The following MSRB3 variants were observed in gnomAD, a reference collection of about 807,000 sequenced individuals.
The protein encoded by MSRB3 is methionine-R-sulfoxide reductase B3.
Under a neutral mutation model 21.0 loss-of-function variants are expected in MSRB3, and 13 were observed. The ratio of observed to expected loss-of-function variants is 0.62; its 90% CI spans 0.40 to 0.98. The LOEUF (loss-of-function observed/expected upper bound fraction) is 0.98, where lower values mean the gene tolerates loss of function less well. Among genes scored for constraint, MSRB3 ranks in the 50% least tolerant of loss-of-function variants. The pLI, the probability that MSRB3 is intolerant of heterozygous loss-of-function variation, is 0.00. For synonymous variants in MSRB3, 87 were observed against 88.6 expected, an observed-to-expected ratio of 0.98 and a Z score of 0.10; for missense variants, 199 against 230.3, an observed-to-expected ratio of 0.86 and a Z score of 0.88.
intron 5 of MSRB3, among the ~76,000 whole-genome samples, chr12:65,449,231 G>A (rs567544649): frequency 6.6e-6 from 1 of 150,820 alleles, no homozygotes; most frequent in African/African-American, 2.4e-5. Flanking sequence ...TAGAGGCGGG[G>A]TTTCATTGTA....
At chr12:65,419,037 C>T in intron 5 of MSRB3, 1 of 707,062 alleles carries the variant, frequency 1.4e-6, no homozygotes, top group Non-Finnish European at 2.6e-6. Context: ...AGGCCTCCAC[C>T]TCCCTCAGGC....
At chr12:65,307,649 T>C (rs1052079232) in intron 1 of MSRB3, among the ~76,000 whole-genome samples, 10 of 152,182 alleles carry the variant, frequency 6.6e-5, no homozygotes, top group Non-Finnish European at 1.5e-4. Context: ...AAAAAACTTT[T>C]AAGAAAATCC....
chr12:65,371,477 G>A (rs1479627496), intron 5 of MSRB3, among the ~76,000 whole-genome samples: 1 of 151,488 alleles, frequency 6.6e-6, no homozygotes. Context: ...TTAAATGAAG[G>A]AATATGCCAA....
intron 5 of MSRB3, among the ~76,000 whole-genome samples, chr12:65,369,670 T>C (rs903917936): frequency 1.3e-5 from 2 of 152,162 alleles, no homozygotes; most frequent in Non-Finnish European, 2.9e-5. Flanking sequence ...CTTGCTGAGA[T>C]TTATGTGCTT....
chr12:65,324,360 A>G (rs1874880277), intron 2 of MSRB3, among the ~76,000 whole-genome samples: 1 of 152,134 alleles, frequency 6.6e-6, no homozygotes. Context: ...GTACAGCAGC[A>G]CTCTTTCAAG....
chr12:65,318,684 A>G (rs1325085157), intron 2 of MSRB3, among the ~76,000 whole-genome samples: 7 of 152,176 alleles, frequency 4.6e-5, no homozygotes, highest in Admixed American at 1.3e-4. Context: ...TTCTCTTCTT[A>G]TTTATACGCC....
chr12:65,312,183 A>G (rs1874029032), intron 2 of MSRB3, among the ~76,000 whole-genome samples: 1 of 152,048 alleles, frequency 6.6e-6, no homozygotes, highest in Admixed American at 6.6e-5. Flanking sequence ...TAGATAGTAT[A>G]TTTAGTTCTT....
chr12:65,405,990 A>C (rs1284403018), intron 5 of MSRB3, among the ~76,000 whole-genome samples: 1 of 152,062 alleles, frequency 6.6e-6, no homozygotes, highest in Non-Finnish European at 1.5e-5. Flanking sequence ...TCAGATATAA[A>C]ATTTGTAAAT....
intron 4 of MSRB3, among the ~76,000 whole-genome samples, chr12:65,353,303 C>G (rs924259888): frequency 6.6e-6 from 1 of 152,128 alleles, no homozygotes; most frequent in Non-Finnish European, 1.5e-5. Context: ...TCTCGTTGAT[C>G]TGTCTAATGT....
At chr12:65,364,959 G>A (rs367801481) in intron 4 of MSRB3, among the ~76,000 whole-genome samples, 3 of 151,976 alleles carry the variant, frequency 2.0e-5, no homozygotes, top group African/African-American at 4.8e-5. Context: ...GATACCCAAG[G>A]CCATTAATTG....
chr12:65,427,112 T>C (rs376561153), intron 5 of MSRB3, among the ~76,000 whole-genome samples: 23 of 152,302 alleles, frequency 1.5e-4, no homozygotes, highest in Middle Eastern at 3.4e-3. Flanking sequence ...TTTTTTATGT[T>C]TCTTGTTGCC....
intron 5 of MSRB3, chr12:65,419,852 GC>G: frequency 4.3e-6 from 3 of 700,642 alleles, no homozygotes; most frequent in East Asian, 5.7e-5. Context: ...ACCCCAAGCA[GC>G]CCCGGAAGCT....
chr12:65,288,307 C>CAAAA (rs921177297), intron 1 of MSRB3, among the ~76,000 whole-genome samples: 131 of 63,794 alleles, frequency 2.1e-3, no homozygotes, highest in African/African-American at 6.7e-3. Flanking sequence ...GTCCCCCCCG[C>CAAAA]AAAAAAAAAA....
chr12:65,433,591 A>G (rs138752553), intron 5 of MSRB3, among the ~76,000 whole-genome samples: 1 of 151,820 alleles, frequency 6.6e-6, no homozygotes, highest in African/African-American at 2.4e-5. Flanking sequence ...GGCCTTTCTG[A>G]ATTTCATCAC....
In MSRB3 at chr12:65,465,040, CT is replaced by C. The variant is rs1242205863; in HGVS notation, c.*1719del. 1.3e-5 allele frequency: 2 copies of C among 152,164 alleles called. No homozygotes were observed. The highest frequency in any genetic ancestry group is 2.9e-5 in the Non-Finnish European group (2 of 68,044). 9.4% of individuals were successfully genotyped at this position (152,164 alleles called of 1,614,324 possible). ...ATTAAACTGATCTGGTTCTAATTGC[CT>C]CAAAGGCCAAAGCCCAGGCATTTGA... On this transcript the variant is annotated 3_prime_UTR_variant, in exon 7 of 7. Coordinates refer to ENST00000308259, the MANE Select transcript of MSRB3 (RefSeq NM_001031679.3).
chr12:65,400,708 G>A (rs1592601648), intron 5 of MSRB3, among the ~76,000 whole-genome samples: 1 of 152,154 alleles, frequency 6.6e-6, no homozygotes, highest in African/African-American at 2.4e-5. Context: ...ATGTTAGGGT[G>A]TCGGTTTTAG....
chr12:65,401,484 A>G (rs1880121110), intron 5 of MSRB3, among the ~76,000 whole-genome samples: 2 of 151,918 alleles, frequency 1.3e-5, no homozygotes, highest in Non-Finnish European at 1.5e-5. Flanking sequence ...CCATCCTTTT[A>G]TTTTGAGCTT....
chr12:65,369,287 T>C (rs961500547), intron 5 of MSRB3, among the ~76,000 whole-genome samples: 5 of 152,012 alleles, frequency 3.3e-5, no homozygotes, highest in Non-Finnish European at 5.9e-5. Context: ...GAAGTGGGGG[T>C]TATACATACT....
intron 4 of MSRB3, among the ~76,000 whole-genome samples, chr12:65,329,581 C>T (rs1428825752): frequency 2.7e-5 from 4 of 149,998 alleles, no homozygotes; most frequent in African/African-American, 4.9e-5. Context: ...ACCCAGGAGG[C>T]GGAGGTTGCA....
Sources: gnomAD v4.1 joint callset for allele counts (sites outside exome capture counted in the v4.1 genomes callset) on GRCh38, gnomAD v4.1.1 for gene constraint, MANE v1.5 for transcripts, NCBI Gene and HGNC (gene_info 2026-07-23, HGNC 2026-07-21) for gene names.